The following EPC2 variants were observed in gnomAD, a reference collection of about 807,000 sequenced individuals.
EPC2 encodes enhancer of polycomb 2.
In EPC2, 14 loss-of-function variants were observed where a neutral mutation model predicts 92.1. The observed-to-expected ratio is 0.15, with a 90% confidence interval of 0.10 to 0.24. The LOEUF (loss-of-function observed/expected upper bound fraction) is 0.24. Ranked by LOEUF, EPC2 falls within the 10% of genes least tolerant of loss-of-function variation. The pLI is 1.00. For missense variants in EPC2, 755 were observed against 971.5 expected (o/e 0.78, Z 2.96); for synonymous variants, 340 against 334.7 (o/e 1.02, Z -0.17).
intron 13 of EPC2, among the ~76,000 whole-genome samples, chr2:148,785,360 C>G (rs1030630028): frequency 6.6e-6 from 1 of 151,478 alleles, no homozygotes; most frequent in Non-Finnish European, 1.5e-5. Flanking sequence ...TGGAGTCTTG[C>G]TGTCTTGCCC....
intron 2 of EPC2, among the ~76,000 whole-genome samples, chr2:148,728,265 T>C (rs1339825187): frequency 6.6e-6 from 1 of 152,196 alleles, no homozygotes; most frequent in Non-Finnish European, 1.5e-5. Flanking sequence ...TTAAACCTTA[T>C]CTTACATCTG....
intron 2 of EPC2, among the ~76,000 whole-genome samples, chr2:148,726,161 G>T (rs1682490394): frequency 6.6e-6 from 1 of 152,068 alleles, no homozygotes; most frequent in Non-Finnish European, 1.5e-5. Flanking sequence ...AGTCTATTGT[G>T]TGTATGTACC....
chr2:148,681,404 T>A (rs1278312040), intron 1 of EPC2, among the ~76,000 whole-genome samples: 3 of 152,148 alleles, frequency 2.0e-5, no homozygotes, highest in Non-Finnish European at 2.9e-5. Flanking sequence ...AAATAGTAAT[T>A]CATGTTGCTG....
intron 1 of EPC2, among the ~76,000 whole-genome samples, chr2:148,658,714 G>A (rs956737124): frequency 4.0e-5 from 6 of 150,986 alleles, no homozygotes; most frequent in Middle Eastern, 3.4e-3. Flanking sequence ...TTCACTAGTG[G>A]TTCAACTCAC....
At chr2:148,755,552 T>C (rs72864214) in intron 4 of EPC2, among the ~76,000 whole-genome samples, 252 of 152,308 alleles carry the variant, frequency 1.7e-3, no homozygotes, top group Non-Finnish European at 2.9e-3. Flanking sequence ...ACTGTACTTT[T>C]ACTGTACCTT....
At chr2:148,686,797 ACAGT>A (rs1681536808) in intron 1 of EPC2, among the ~76,000 whole-genome samples, 1 of 152,200 alleles carries the variant, frequency 6.6e-6, no homozygotes, top group Non-Finnish European at 1.5e-5. Flanking sequence ...GTAGCCCTCA[ACAGT>A]TAGCTTAGAA....
chr2:148,750,534 A>C (rs931464152), intron 3 of EPC2, among the ~76,000 whole-genome samples: 1 of 152,020 alleles, frequency 6.6e-6, no homozygotes, highest in African/African-American at 2.4e-5. Flanking sequence ...TCCTTAATTT[A>C]ATTTATGCAG....
intron 1 of EPC2, among the ~76,000 whole-genome samples, chr2:148,661,770 C>G (rs1680939799): frequency 6.6e-6 from 1 of 152,050 alleles, no homozygotes; most frequent in Non-Finnish European, 1.5e-5. Context: ...TGAATATTCT[C>G]AAATTTTTTT....
intron 1 of EPC2, among the ~76,000 whole-genome samples, chr2:148,648,161 A>G (rs1442644683): frequency 1.3e-5 from 2 of 152,242 alleles, no homozygotes. Flanking sequence ...AATCAAAATT[A>G]AGCAAACCGT....
chr2:148,696,543 T>A (rs1167206426), intron 2 of EPC2, among the ~76,000 whole-genome samples: 1 of 152,224 alleles, frequency 6.6e-6, no homozygotes, highest in African/African-American at 2.4e-5. Context: ...AAATTTGATG[T>A]ATAGTGGCAC....
At chr2:148,671,143 T>C (rs1268644756) in intron 1 of EPC2, among the ~76,000 whole-genome samples, 2 of 152,234 alleles carry the variant, frequency 1.3e-5, no homozygotes, top group East Asian at 3.8e-4. Flanking sequence ...TTTATGCTGA[T>C]AGTGGTATAT....
chr2:148,741,629 C>T (rs962867580), intron 2 of EPC2, among the ~76,000 whole-genome samples: 1 of 152,130 alleles, frequency 6.6e-6, no homozygotes, highest in African/African-American at 2.4e-5. Flanking sequence ...TATTCATTTA[C>T]ACATCGCTGC....
At chr2:148,697,238 A>C (rs916418733) in intron 2 of EPC2, among the ~76,000 whole-genome samples, 39 of 152,218 alleles carry the variant, frequency 2.6e-4, no homozygotes, top group African/African-American at 8.4e-4. Flanking sequence ...TACAAGTTGC[A>C]AATATTTCTA....
At chr2:148,661,848 A>G (rs1252208669) in intron 1 of EPC2, among the ~76,000 whole-genome samples, 1 of 152,224 alleles carries the variant, frequency 6.6e-6, no homozygotes, top group Non-Finnish European at 1.5e-5. Context: ...TGAATAGTAT[A>G]ATACTGAACC....
At chr2:148,727,350 A>G (rs1161865207) in intron 2 of EPC2, among the ~76,000 whole-genome samples, 1 of 152,170 alleles carries the variant, frequency 6.6e-6, no homozygotes, top group African/African-American at 2.4e-5. Flanking sequence ...TTGTTTTAAA[A>G]TCCAAAGACT....
At chr2:148,769,782 A>G (rs571440065) in intron 8 of EPC2, among the ~76,000 whole-genome samples, 8 of 152,304 alleles carry the variant, frequency 5.3e-5, no homozygotes, top group East Asian at 3.9e-4. Context: ...AAGGTTCTCA[A>G]TGAGATATAA....
chr2:148,770,647 T>C, intron 8 of EPC2, 145 bp from the exon 9 acceptor site: 1 of 913,850 alleles, frequency 1.1e-6, no homozygotes, highest in Non-Finnish European at 1.5e-6. Context: ...TAATAGTCAA[T>C]GAAGCCCCAC....
At chr2:148,705,079 A>G (rs532330892) in intron 2 of EPC2, among the ~76,000 whole-genome samples, 3 of 152,012 alleles carry the variant, frequency 2.0e-5, no homozygotes, top group Non-Finnish European at 4.4e-5. Context: ...TATTTCACCC[A>G]TAAATATTTC....
chr2:148,780,531 C>T (rs1020915842), intron 10 of EPC2, among the ~76,000 whole-genome samples: 10 of 152,158 alleles, frequency 6.6e-5, no homozygotes, highest in African/African-American at 9.6e-5. Flanking sequence ...GATTAGATCA[C>T]TCAATTGCAT....
Sources: gnomAD v4.1 joint callset for allele counts (sites outside exome capture counted in the v4.1 genomes callset) on GRCh38, gnomAD v4.1.1 for gene constraint, MANE v1.5 for transcripts, NCBI Gene and HGNC (gene_info 2026-07-23, HGNC 2026-07-21) for gene names.